The following KLHL1 variants were observed in gnomAD, a reference collection of about 807,000 sequenced individuals.
The protein encoded by KLHL1 is kelch-like protein 1.
KLHL1 carries 47 observed loss-of-function variants against 77.7 expected under a neutral mutation model. That is an observed-to-expected ratio of 0.60 (90% confidence interval 0.48 to 0.77). The LOEUF is 0.77. KLHL1 is among the 30% of genes least tolerant of loss of function. The pLI is 0.00. For missense variants in KLHL1, 925 were observed against 910.8 expected, an observed-to-expected ratio of 1.02 and a Z score of -0.20; for synonymous variants, 360 against 325.2, an observed-to-expected ratio of 1.11 and a Z score of -1.15.
rs1459536777 is a variant in KLHL1, at chr13:70,107,759, T to A, written c.-60A>T. 23 of 1,340,940 alleles carry A rather than the reference T, an allele frequency of 1.7e-5. No individual in the cohort carries two copies. The highest frequency in any genetic ancestry group is 2.0e-5 in the Non-Finnish European group (20 of 1,004,388). 83.1% of individuals were successfully genotyped at this position (1,340,940 alleles called of 1,614,324 possible). On this transcript the variant is annotated 5_prime_UTR_variant, in exon 1 of 11. Transcript: ENST00000377844. Reference sequence around the variant, plus strand: ...ACGCAGGAGTAGGCTGGTCAGCAGGTGGGGGAGGACAGCGGGGCCCGGGGG... The same window carrying A: ...ACGCAGGAGTAGGCTGGTCAGCAGGAGGGGGAGGACAGCGGGGCCCGGGGG...
chr13:69,903,103 G>C (rs564202401), intron 4 of KLHL1, among the ~76,000 whole-genome samples: 2 of 152,118 alleles, frequency 1.3e-5, no homozygotes, highest in Non-Finnish European at 2.9e-5. Flanking sequence ...GTGGCTAACT[G>C]AGGTGAGTTG....
At chr13:69,798,524 T>A (rs1391816081) in intron 6 of KLHL1, among the ~76,000 whole-genome samples, 1 of 152,112 alleles carries the variant, frequency 6.6e-6, no homozygotes, top group African/African-American at 2.4e-5. Context: ...ATTATTGTTA[T>A]TGTTAGGATA....
At chr13:69,780,757 TAC>T (rs369748220) in intron 7 of KLHL1, among the ~76,000 whole-genome samples, 3 of 128,130 alleles carry the variant, frequency 2.3e-5, no homozygotes, top group East Asian at 2.1e-4. Flanking sequence ...TATATATATA[TAC>T]ACACACATTT....
rs1261355315 is a variant in KLHL1, at chr13:70,107,646, G to A, written c.54C>T (p.Arg18=). ...GAGACGGGTGGCTGAAGAGTTTCCA[G>A]CGGAGTCGCAGAATGTGCTTCACAT... ...DFDVKHILRL[R]WKLFSHPSPS... Residue 18 remains arginine (R), a synonymous_variant, in exon 1 of 11, where the codon CGC becomes CGT. Transcript: ENST00000377844. 5 of 1,553,678 alleles carry A rather than the reference G, an allele frequency of 3.2e-6. No homozygotes were observed. The highest frequency in any genetic ancestry group is 2.6e-6 in the Non-Finnish European group (3 of 1,154,290).
chr13:69,782,346 G>A (rs1296775805), intron 7 of KLHL1, among the ~76,000 whole-genome samples: 1 of 152,222 alleles, frequency 6.6e-6, no homozygotes, highest in African/African-American at 2.4e-5. Flanking sequence ...CCGTGTGCTA[G>A]CCGAAGCAGG....
rs552500881 is a variant in KLHL1, at chr13:69,743,050, A to G, written c.1640-2494T>C. ...GAAATCAACTTTTTACTGAGCACCA[A>G]TTAGATACAGAGTAGACTTTAGAAT... On this transcript the variant is annotated intron_variant, in intron 7 of 10. Transcript: ENST00000377844. 6.6e-5 allele frequency among the ~76,000 whole-genome samples: 10 copies of G among 152,334 alleles called. No individual in the cohort carries two copies. In the South Asian group the frequency reaches 1.2e-3, roughly 19 times the overall value.
chr13:70,052,961 T>C (rs1886663399), intron 1 of KLHL1, among the ~76,000 whole-genome samples: 2 of 151,970 alleles, frequency 1.3e-5, no homozygotes, highest in Non-Finnish European at 2.9e-5. Context: ...CATGAAAAAA[T>C]TCTTGAGTGG....
chr13:69,889,460 A>T (rs1881345985), intron 4 of KLHL1, among the ~76,000 whole-genome samples: 1 of 152,082 alleles, frequency 6.6e-6, no homozygotes, highest in Non-Finnish European at 1.5e-5. Context: ...TAAGCCTATG[A>T]CACTTTCCAT....
chr13:69,837,558 T>C (rs1879050525), intron 6 of KLHL1, among the ~76,000 whole-genome samples: 1 of 145,562 alleles, frequency 6.9e-6, no homozygotes, highest in Non-Finnish European at 1.5e-5. Context: ...TATATTTGTA[T>C]ATAAATATGT....
chr13:69,705,616 C>T (rs932912198), intron 10 of KLHL1, among the ~76,000 whole-genome samples: 1 of 151,602 alleles, frequency 6.6e-6, no homozygotes, highest in Non-Finnish European at 1.5e-5. Flanking sequence ...GGGTTGGCTG[C>T]TCATCCCTTG....
At chr13:70,067,846 G>T (rs888428455) in intron 1 of KLHL1, among the ~76,000 whole-genome samples, 1 of 152,056 alleles carries the variant, frequency 6.6e-6, no homozygotes, top group African/African-American at 2.4e-5. Flanking sequence ...CCAATAATAT[G>T]ACAACCAGTG....
In KLHL1 at chr13:69,913,980, GA is replaced by G. The variant is rs1882330244; in HGVS notation, c.1014+26059del. On this transcript the variant is annotated intron_variant, in intron 4 of 10. Coordinates refer to ENST00000377844, the MANE Select transcript of KLHL1 (RefSeq NM_020866.3). ...ATCTAATCAACTGCCAGTACAGCTAGAATATAAAGCAGGAAGAAGAACGTGG... is the reference window on the plus strand; with the variant it reads ...ATCTAATCAACTGCCAGTACAGCTAGATATAAAGCAGGAAGAAGAACGTGG... Among the ~76,000 whole-genome samples the G allele has an allele frequency of 1.3e-5, 2 of 152,158 alleles. 1 individual carries two copies. The highest frequency in any genetic ancestry group is 2.9e-5 in the Non-Finnish European group (2 of 68,028).
At chr13:69,922,087 C>A (rs9317846) in intron 4 of KLHL1, among the ~76,000 whole-genome samples, 65,915 of 151,640 alleles carry the variant, frequency 0.43, 14,835 homozygotes, top group East Asian at 0.61. Flanking sequence ...CACGACAGTG[C>A]CTGGCTAAGT....
chr13:70,048,685 A>C (rs1395875036), intron 1 of KLHL1, among the ~76,000 whole-genome samples: 5 of 152,200 alleles, frequency 3.3e-5, no homozygotes, highest in Non-Finnish European at 5.9e-5. Flanking sequence ...CTTCTGTGAG[A>C]ATCTAATGCA....
intron 1 of KLHL1, among the ~76,000 whole-genome samples, chr13:70,062,523 T>C (rs1290033609): frequency 6.6e-6 from 1 of 152,212 alleles, no homozygotes; most frequent in Non-Finnish European, 1.5e-5. Context: ...ATTCATGCAA[T>C]GTAACATGTA....
intron 6 of KLHL1, 101 bp downstream of exon 6, chr13:69,838,875 G>T (rs1229020825): frequency 7.6e-6 from 5 of 659,076 alleles, no homozygotes; most frequent in Non-Finnish European, 1.2e-5. Flanking sequence ...AATAATTAAA[G>T]CTGAGTTTAT....
rs1403509385 is a variant in KLHL1 at position 70,072,804 on chromosome 13, T to TA, written c.497+34398dup. Among the ~76,000 whole-genome samples, 29 of 152,114 alleles carry TA rather than the reference T, an allele frequency of 1.9e-4. 1 individual carries two copies. The highest frequency in any genetic ancestry group is 6.5e-4 in the African/African-American group (27 of 41,484). On this transcript the variant is annotated intron_variant, in intron 1 of 10. Transcript: ENST00000377844. ...GTTGATGGAAACTTTTTCAACTTGG[T>TA]AAAAAACTTTTATTTAAAAAAAAAC...
At chr13:69,800,079 T>C (rs1877308510) in intron 6 of KLHL1, among the ~76,000 whole-genome samples, 1 of 152,110 alleles carries the variant, frequency 6.6e-6, no homozygotes, top group Non-Finnish European at 1.5e-5. Context: ...ACCAAACTAG[T>C]CCCTGGTGCC....
At chr13:70,066,190 T>C (rs943664412) in intron 1 of KLHL1, among the ~76,000 whole-genome samples, 1 of 152,216 alleles carries the variant, frequency 6.6e-6, no homozygotes, top group Non-Finnish European at 1.5e-5. Context: ...TTTACACTCA[T>C]GCTTCGAGTT....
Sources: allele counts gnomAD v4.1 joint callset (sites outside exome capture counted in the v4.1 genomes callset), GRCh38; gene constraint gnomAD v4.1.1; transcripts MANE v1.5; gene names NCBI Gene and HGNC (gene_info 2026-07-23, HGNC 2026-07-21).